Variants in CSMD1 observed in about 807,000 individuals in gnomAD.
CSMD1 encodes the protein CUB and sushi domain-containing protein 1.
In CSMD1, 213 loss-of-function variants were observed where a neutral mutation model predicts 417.5. The observed-to-expected ratio is 0.51, with a 90% CI of 0.46 to 0.57. The LOEUF (loss-of-function observed/expected upper bound fraction) is 0.57. CSMD1 is among the 20% of genes least tolerant of loss of function. The pLI is 0.00. For missense variants in CSMD1, 6,923 were observed against 4,529.7 expected (o/e 1.53, Z -15.17); for synonymous variants, 2,862 against 1,736.8 (o/e 1.65, Z -16.11).
intron 51 of CSMD1, among the ~76,000 whole-genome samples, chr8:3,021,024 T>C (rs1809327285): frequency 6.6e-6 from 1 of 152,220 alleles, no homozygotes. Context: ...TAAAGATCCA[T>C]TTGTAGCAAT....
intron 1 of CSMD1, among the ~76,000 whole-genome samples, chr8:4,882,583 AC>A (rs1463249143): frequency 6.6e-6 from 1 of 151,768 alleles, no homozygotes; most frequent in African/African-American, 2.4e-5. Context: ...AGAACATTCA[AC>A]CCCAAGCATA....
chr8:3,241,295 C>T (rs61113769), intron 26 of CSMD1, among the ~76,000 whole-genome samples: 110,276 of 148,534 alleles, frequency 0.74, 42,094 homozygotes, highest in Non-Finnish European at 0.83. Flanking sequence ...GAAGCCTGGC[C>T]GTCAATACCC....
chr8:3,714,710 C>G (rs1801729580), intron 6 of CSMD1, among the ~76,000 whole-genome samples: 2 of 152,042 alleles, frequency 1.3e-5, no homozygotes, highest in Admixed American at 6.6e-5. Context: ...GTACTCCAGC[C>G]TGGGCCACAC....
chr8:3,012,346 G>A (rs1479871169), intron 52 of CSMD1, among the ~76,000 whole-genome samples: 1 of 152,064 alleles, frequency 6.6e-6, no homozygotes, highest in Non-Finnish European at 1.5e-5. Flanking sequence ...ACATTCTCAA[G>A]ACTCAGTCTG....
At chr8:3,859,590 A>C (rs1446020145) in intron 5 of CSMD1, among the ~76,000 whole-genome samples, 1 of 152,158 alleles carries the variant, frequency 6.6e-6, no homozygotes, top group Non-Finnish European at 1.5e-5. Context: ...TCATGCCAGA[A>C]AGACCAACCA....
chr8:3,369,343 T>G lies in CSMD1; in HGVS notation c.2810A>C (p.Lys937Thr), dbSNP rs1440153403. The G allele has an allele frequency of 3.1e-6, 5 of 1,593,660 alleles. No individual in the cohort carries two copies. The highest frequency in any genetic ancestry group is 3.3e-4 in the Middle Eastern group (2 of 6,028). The change falls in exon 19 of 70, where the codon AAG becomes ACG. Residue 937 changes from lysine to threonine, a missense_variant. Coordinates refer to ENST00000635120, the MANE Select transcript of CSMD1 (RefSeq NM_033225.6). ...DALCGGYIQG[K>T]SGTVLSPGFP... is the part of the protein sequence containing the mutation. ...CCCAGGAGAAAGGACTGTTCCACTC[T>G]TCCCTTGGATGTAGCCTCCACATAG...
At chr8:3,997,062 C>A (rs1815274712) in intron 5 of CSMD1, among the ~76,000 whole-genome samples, 1 of 152,186 alleles carries the variant, frequency 6.6e-6, no homozygotes, top group African/African-American at 2.4e-5. Context: ...TGAGTTTCAA[C>A]ATACCCATTC....
chr8:4,320,555 G>C (rs371318837), intron 3 of CSMD1, among the ~76,000 whole-genome samples: 14 of 151,736 alleles, frequency 9.2e-5, no homozygotes, highest in African/African-American at 3.4e-4. Context: ...TCCCCTCCCT[G>C]TGTCCATGTG....
At chr8:3,445,206 G>A (rs1263624070) in intron 12 of CSMD1, among the ~76,000 whole-genome samples, 1 of 152,134 alleles carries the variant, frequency 6.6e-6, no homozygotes, top group African/African-American at 2.4e-5. Context: ...ACCTCATCAT[G>A]AAGGAAAAGG....
chr8:3,165,761 G>A (rs1007129490), intron 37 of CSMD1, among the ~76,000 whole-genome samples: 2 of 152,104 alleles, frequency 1.3e-5, no homozygotes, highest in African/African-American at 4.8e-5. Context: ...AAGACAGCTA[G>A]GCTTGACATA....
At chr8:4,198,401 G>C (rs1486433449) in intron 3 of CSMD1, among the ~76,000 whole-genome samples, 4 of 152,186 alleles carry the variant, frequency 2.6e-5, no homozygotes, top group African/African-American at 9.7e-5. Context: ...AGACTTTTCA[G>C]AATTTTCAGA....
At chr8:3,645,512 G>C (rs945711251) in intron 7 of CSMD1, among the ~76,000 whole-genome samples, 1 of 152,214 alleles carries the variant, frequency 6.6e-6, no homozygotes, top group African/African-American at 2.4e-5. Flanking sequence ...GGGGAAGGAA[G>C]GGGAGGATGT....
chr8:3,234,807 C>T (rs925465281), intron 26 of CSMD1, among the ~76,000 whole-genome samples: 12 of 152,230 alleles, frequency 7.9e-5, no homozygotes, highest in African/African-American at 2.9e-4. Context: ...AATTGGCCAT[C>T]ATCTTGGTAC....
At position 4,119,287 on chromosome 8, in the gene CSMD1, A is replaced by G. The variant is rs189116671; in HGVS notation, c.416-87188T>C. ...AAAAAAATAGAAACAAATGGAAACA[A>G]CCCAAATCTAAATGTCAACAGGCAA... On this transcript the variant is annotated intron_variant, in intron 3 of 69. Coordinates refer to ENST00000635120, the MANE Select transcript of CSMD1 (RefSeq NM_033225.6). Among the ~76,000 whole-genome samples, 20 of 152,226 alleles carry G rather than the reference A, an allele frequency of 1.3e-4. No homozygotes were observed. In the East Asian group the frequency reaches 3.9e-3, roughly 29 times the overall value.
chr8:3,718,940 G>C (rs944173471), intron 6 of CSMD1, among the ~76,000 whole-genome samples: 2 of 152,126 alleles, frequency 1.3e-5, no homozygotes, highest in African/African-American at 2.4e-5. Flanking sequence ...CCTCCAAACA[G>C]AGGGAGAATA....
chr8:4,699,577 AC>A (rs1807377452), intron 1 of CSMD1, among the ~76,000 whole-genome samples: 1 of 151,976 alleles, frequency 6.6e-6, no homozygotes, highest in Non-Finnish European at 1.5e-5. Context: ...TTCTAATTTA[AC>A]CAATAAGAAT....
intron 2 of CSMD1, among the ~76,000 whole-genome samples, chr8:4,625,537 T>G (rs13259288): frequency 0.27 from 40,633 of 151,698 alleles, 6,217 homozygotes; most frequent in Admixed American, 0.47. Context: ...CTGAACCATC[T>G]CTAGTCCAAA....
chr8:4,111,596 G>T (rs1291333955), intron 3 of CSMD1, among the ~76,000 whole-genome samples: 1 of 152,086 alleles, frequency 6.6e-6, no homozygotes, highest in African/African-American at 2.4e-5. Flanking sequence ...AACATAAAAA[G>T]AAATGAAATT....
intron 5 of CSMD1, among the ~76,000 whole-genome samples, chr8:3,937,641 C>A (rs1033476569): frequency 1.3e-5 from 2 of 152,148 alleles, no homozygotes; most frequent in African/African-American, 4.8e-5. Flanking sequence ...TTGCAGTCAT[C>A]TGAAGCCAAA....
Sources: gnomAD v4.1 joint callset for allele counts (sites outside exome capture counted in the v4.1 genomes callset) on GRCh38, gnomAD v4.1.1 for gene constraint, MANE v1.5 for transcripts, NCBI Gene and HGNC (gene_info 2026-07-23, HGNC 2026-07-21) for gene names.